Variants in SYT1 observed in about 807,000 individuals in gnomAD.
SYT1 encodes the protein synaptotagmin 1.
SYT1 carries 8 observed loss-of-function variants against 44.8 expected under a neutral mutation model. That is an observed-to-expected ratio of 0.18 (90% CI 0.10 to 0.32). The LOEUF (loss-of-function observed/expected upper bound fraction) is 0.32, where lower values mean the gene tolerates loss of function less well. Ranked by LOEUF, SYT1 falls within the 10% of genes least tolerant of loss-of-function variation. The pLI is 1.00. For missense variants in SYT1, 286 were observed against 509.3 expected (o/e 0.56, Z 4.22); for synonymous variants, 154 against 188.8 (o/e 0.82, Z 1.51).
intron 3 of SYT1, among the ~76,000 whole-genome samples, chr12:79,130,555 T>C (rs895824747): frequency 2.0e-5 from 3 of 152,178 alleles, no homozygotes; most frequent in Non-Finnish European, 4.4e-5. Context: ...GCTAGAAATT[T>C]GGAGCAAAGA....
chr12:79,042,080 A>T (rs1008588756), intron 2 of SYT1, among the ~76,000 whole-genome samples: 40 of 150,156 alleles, frequency 2.7e-4, no homozygotes, highest in African/African-American at 9.2e-4. Flanking sequence ...ATTGGTCTAA[A>T]ATTCTCTTTT....
At position 79,293,531 on chromosome 12, in the gene SYT1, T is replaced by C. The variant is rs191436862; in HGVS notation, c.474+1401T>C. ...ATGAATGTAAAATAAATACAGTTAC[T>C]AGTAATGCAGCATGTGCTAATGATT... On this transcript the variant is annotated intron_variant, in intron 6 of 10. Transcript: ENST00000261205. 2.4e-3 allele frequency among the ~76,000 whole-genome samples: 369 copies of C among 152,234 alleles called. 1 individual carries two copies. The highest frequency in any genetic ancestry group is 6.1e-3 in the Admixed American group (94 of 15,296).
rs60179268 is a variant in SYT1 at position 79,253,483 on chromosome 12, G to GTCTCTCTCTC, written c.167-32271_167-32262dup. Among the ~76,000 whole-genome samples the GTCTCTCTCTC allele has an allele frequency of 6.3e-3, 815 of 129,468 alleles. 14 individuals carry two copies. Among genetic ancestry groups the GTCTCTCTCTC allele is most frequent in the Non-Finnish European group, 8.4e-3 (506 of 60,522 alleles). 84.9% of individuals were successfully genotyped at this position (129,468 alleles called of 152,430 possible). A position where few individuals can be genotyped will look rare whatever the true frequency, so the allele number is the denominator to read the frequency against. ...CTGTTCCACCAAAAGCCATTGCCCAGTCTCTCTCTCTCTCTCTCTCTCTCT... is the reference window on the plus strand; with the variant it reads ...CTGTTCCACCAAAAGCCATTGCCCAGTCTCTCTCTCTCTCTCTCTCTCTCTCTCTCTCTCT... On this transcript the variant is annotated intron_variant, in intron 4 of 10. Coordinates refer to ENST00000261205, the MANE Select transcript of SYT1 (RefSeq NM_005639.3).
rs148865501 is a variant in SYT1 at position 79,230,703 on chromosome 12, G to A, written c.166+13018G>A. 4.4e-3 allele frequency among the ~76,000 whole-genome samples: 666 copies of A among 152,016 alleles called. 1 individual carries two copies. Among genetic ancestry groups the A allele is most frequent in the African/African-American group, 0.015 (633 of 41,462 alleles). On this transcript the variant is annotated intron_variant, in intron 4 of 10. Coordinates refer to ENST00000261205, the MANE Select transcript of SYT1 (RefSeq NM_005639.3). ...TTTTGTTTTATAAACTAGTGTTGAG[G>A]GATTTTTATAAACTTCCAAAGCACA...
chr12:79,032,812 A>C (rs1031701824), intron 2 of SYT1, among the ~76,000 whole-genome samples: 4 of 151,344 alleles, frequency 2.6e-5, no homozygotes, highest in Middle Eastern at 3.2e-3. Context: ...AACTTAAACC[A>C]TAACAAGAGA....
At chr12:79,273,692 G>A (rs1878557013) in intron 4 of SYT1, among the ~76,000 whole-genome samples, 2 of 152,184 alleles carry the variant, frequency 1.3e-5, no homozygotes, top group South Asian at 4.1e-4. Context: ...GGCACTCCTA[G>A]ACCCCAGTGA....
intron 3 of SYT1, among the ~76,000 whole-genome samples, chr12:79,166,671 A>C (rs1329308810): frequency 1.3e-5 from 2 of 152,012 alleles, no homozygotes; most frequent in African/African-American, 2.4e-5. Flanking sequence ...AATGCAATTG[A>C]CATCAAAATA....
At position 79,144,489 on chromosome 12, in the gene SYT1, G is replaced by C. The variant is rs556605867; in HGVS notation, c.-17-73014G>C. 1.8e-4 allele frequency among the ~76,000 whole-genome samples: 28 copies of C among 152,026 alleles called. 1 individual carries two copies. Among genetic ancestry groups the C allele is most frequent in the Non-Finnish European group, 3.8e-4 (26 of 67,992 alleles). On this transcript the variant is annotated intron_variant, in intron 3 of 10. Transcript: ENST00000261205. ...AGAGGCTTCTGATTTTCTGTGCAAG[G>C]ACCCTTTCCAAGAGCATCCAGATGC...
chr12:79,211,790 A>G (rs1308084074), intron 3 of SYT1, among the ~76,000 whole-genome samples: 2 of 151,914 alleles, frequency 1.3e-5, no homozygotes, highest in South Asian at 2.1e-4. Context: ...TTATGGCTGC[A>G]TAGTATTCCA....
intron 3 of SYT1, among the ~76,000 whole-genome samples, chr12:79,199,051 A>G (rs1873627564): frequency 6.6e-6 from 1 of 152,206 alleles, no homozygotes; most frequent in Non-Finnish European, 1.5e-5. Flanking sequence ...TCACTGAGGA[A>G]GTAGTTATAA....
chr12:79,349,003 GAAA>G (rs745451132), intron 8 of SYT1, among the ~76,000 whole-genome samples: 1,290 of 18,828 alleles, frequency 0.069, 16 homozygotes, highest in Non-Finnish European at 0.088. Flanking sequence ...GAGAAGGAAA[GAAA>G]GAAAGAAAGA....
intron 1 of SYT1, among the ~76,000 whole-genome samples, chr12:78,955,150 G>T (rs77322479): frequency 6.6e-6 from 1 of 151,990 alleles, no homozygotes; most frequent in Admixed American, 6.6e-5. Flanking sequence ...TTGAAATGAC[G>T]GTTAAACAGA....
intron 1 of SYT1, among the ~76,000 whole-genome samples, chr12:78,917,482 G>T (rs1298821449): frequency 6.6e-6 from 1 of 151,898 alleles, no homozygotes; most frequent in Non-Finnish European, 1.5e-5. Context: ...GAGTGGAGAG[G>T]GATAGCATTA....
At chr12:79,149,643 G>A (rs1870142756) in intron 3 of SYT1, among the ~76,000 whole-genome samples, 1 of 152,072 alleles carries the variant, frequency 6.6e-6, no homozygotes, top group Non-Finnish European at 1.5e-5. Flanking sequence ...ATTGATAAGT[G>A]ATAAATTTAA....
At chr12:79,200,645 G>GA (rs1218453511) in intron 3 of SYT1, among the ~76,000 whole-genome samples, 1 of 152,148 alleles carries the variant, frequency 6.6e-6, no homozygotes, top group Non-Finnish European at 1.5e-5. Context: ...CACTTAGAAG[G>GA]AAAGTCTGTG....
chr12:79,398,569 T>C (rs541837465), intron 9 of SYT1, among the ~76,000 whole-genome samples: 1 of 152,318 alleles, frequency 6.6e-6, no homozygotes, highest in East Asian at 1.9e-4. Context: ...GTCCTTATTA[T>C]GGTCCTTGAC....
intron 3 of SYT1, among the ~76,000 whole-genome samples, chr12:79,093,089 CAAA>C (rs891278694): frequency 1.3e-5 from 2 of 151,520 alleles, no homozygotes; most frequent in Non-Finnish European, 3.0e-5. Flanking sequence ...AATTGTAACT[CAAA>C]GAAGGTTAAA....
At chr12:79,267,026 A>G (rs1878172051) in intron 4 of SYT1, among the ~76,000 whole-genome samples, 1 of 152,186 alleles carries the variant, frequency 6.6e-6, no homozygotes, top group South Asian at 2.1e-4. Context: ...TGTCAATGCA[A>G]TCAAATCTTT....
At chr12:79,257,592 AT>A in intron 4 of SYT1, among the ~76,000 whole-genome samples, 1 of 152,106 alleles carries the variant, frequency 6.6e-6, no homozygotes, top group East Asian at 1.9e-4. Context: ...GGTTCACGCC[AT>A]TCTCCTGCCT....
Sources: allele counts gnomAD v4.1 joint callset (sites outside exome capture counted in the v4.1 genomes callset), GRCh38; gene constraint gnomAD v4.1.1; transcripts MANE v1.5; gene names NCBI Gene and HGNC (gene_info 2026-07-23, HGNC 2026-07-21).